RNH1: variants seen among roughly 807,000 people sequenced by gnomAD.
The protein encoded by RNH1 is ribonuclease inhibitor.
A neutral mutation model predicts 46.1 loss-of-function variants in RNH1; 38 were observed. The ratio of observed to expected loss-of-function variants is 0.82; its 90% CI spans 0.64 to 1.08. The LOEUF is 1.08. Among genes scored for constraint, RNH1 ranks in the 50% least tolerant of loss-of-function variants. RNH1 has a pLI of 0.00. For synonymous variants in RNH1, 319 were observed against 279.1 expected (o/e 1.14, Z -1.43); for missense variants, 577 against 590.7 (o/e 0.98, Z 0.24).
In RNH1 at chr11:494,541, A is replaced by T. The variant is rs1198104886; in HGVS notation, c.*150T>A. ...GCCAAGAAAGTGCTTTAATGATTAT[A>T]AAGTGTCCAAAATATACTGGCAGAA... On this transcript the variant is annotated 3_prime_UTR_variant, in exon 11 of 11. Transcript: ENST00000354420. 4.1e-6 allele frequency: 3 copies of T among 730,316 alleles called. No homozygotes were observed. Among genetic ancestry groups the T allele is most frequent in the Non-Finnish European group, 7.1e-6 (3 of 425,176 alleles). 45.2% of individuals were successfully genotyped at this position (730,316 alleles called of 1,614,324 possible). A position where few individuals can be genotyped will look rare whatever the true frequency, so the allele number is the denominator to read the frequency against.
In RNH1 at chr11:501,924, A is replaced by G; in HGVS notation, c.101+138T>C. The G allele has an allele frequency of 1.6e-6, 1 of 623,044 alleles. No homozygotes were observed. Among genetic ancestry groups the G allele is most frequent in the Non-Finnish European group, 2.9e-6 (1 of 347,078 alleles). The allele number at this position is 623,044 out of a possible 1,614,324, so 38.6% of individuals were successfully genotyped here. The stretch of plus-strand genomic sequence containing the variant: ...AAAAGAAACACAAGAATCACATCTC[A>G]TGCACGTGGTAGCTGCACAGAATTC... On this transcript the variant is annotated intron_variant, in intron 3 of 10. Coordinates refer to ENST00000354420, the MANE Select transcript of RNH1 (RefSeq NM_203387.3). This position sits in a 1 kb window ranked among gnomAD's most constrained non-coding sequence, Gnocchi z 4.1.
rs950833429 is a variant in RNH1 at position 498,558 on chromosome 11, G to A, written c.855C>T (p.Ser285=). 10 of 1,613,000 alleles carry A rather than the reference G, an allele frequency of 6.2e-6. No individual in the cohort carries two copies. Among genetic ancestry groups the A allele is most frequent in the Non-Finnish European group, 8.5e-6 (10 of 1,180,038 alleles). ...DLCRVLRAKE[S]LKELSLAGNE... ...TGCCGGCCAGGCTGAGCTCCTTCAG[G>A]CTCTCCTTGGCCCTGAGGACACGGC... The change falls in exon 8 of 11, where the codon AGC becomes AGT. Residue 285 remains serine (S), a synonymous_variant. Coordinates refer to ENST00000354420, the MANE Select transcript of RNH1 (RefSeq NM_203387.3).
At chr11:500,767 C>T (rs1315776768) in intron 3 of RNH1, 113 bp from the exon 4 acceptor site, 3 of 1,061,058 alleles carry the variant, frequency 2.8e-6, no homozygotes, top group Non-Finnish European at 4.2e-6. Context: ...GACAGCAAGG[C>T]AAGTCACACA....
In RNH1 at chr11:494,732, C is replaced by T; in HGVS notation, c.1345G>A (p.Ala449Thr). The change falls in exon 11 of 11, where the codon GCC becomes ACC. Residue 449 changes from alanine to threonine, a missense_variant. By Grantham distance (58) the Ala-to-Thr change is moderately conservative. Transcript: ENST00000354420. ...AGGGATGGCTTGTCCTTCTCCAGGG[C>T]CTGCAGCCGGTCCTCCATCTCCTCA... ...WSEEMEDRLQ[A>T]LEKDKPSLRV... is the part of the protein sequence containing the mutation. The T allele has an allele frequency of 6.2e-6, 10 of 1,613,990 alleles. No individual in the cohort carries two copies. The highest frequency in any genetic ancestry group is 8.5e-6 in the Non-Finnish European group (10 of 1,180,002).
intron 1 of RNH1, chr11:505,748 C>CG (rs1850211168): frequency 6.6e-6 from 1 of 152,114 alleles, no homozygotes; most frequent in Admixed American, 6.6e-5. Flanking sequence ...TTTGTAGAGA[C>CG]GGGGGTCTCA....
chr11:500,096 G>A (rs35800583), intron 4 of RNH1, 97 bp from the exon 5 acceptor site: 84,208 of 1,364,146 alleles, frequency 0.062, 3,219 homozygotes, highest in Admixed American at 0.16. Context: ...CTCTTCAGGC[G>A]GCAGGTCTAT....
At chr11:498,977 A>T in intron 6 of RNH1, 38 bp downstream of exon 6, 1 of 1,597,782 alleles carries the variant, frequency 6.3e-7, no homozygotes, top group South Asian at 1.1e-5. Context: ...GACCCCCCCT[A>T]GCCCACACCC....
At chr11:500,367 G>A in intron 4 of RNH1, 117 bp downstream of exon 4, 1 of 1,209,820 alleles carries the variant, frequency 8.3e-7, no homozygotes, top group Non-Finnish European at 1.1e-6. Context: ...GGAAATGTCT[G>A]CTGCCACTGC....
chr11:498,234 A>G, intron 8 of RNH1, 93 bp from the exon 9 acceptor site: 1 of 1,416,840 alleles, frequency 7.1e-7, no homozygotes, highest in Non-Finnish European at 9.5e-7. Context: ...CGTGGACCTG[A>G]GCAAAAACAT....
In RNH1 at chr11:499,856, T is replaced by C. The variant is rs751391760; in HGVS notation, c.416A>G (p.Asp139Gly). Reference sequence around the variant, plus strand: ...CAGCTTTTCCAGGCGGCACTGGGGGTCCAGGAGTCCTTCGCAGAGCAGCTG... The same window carrying C: ...CAGCTTTTCCAGGCGGCACTGGGGGCCCAGGAGTCCTTCGCAGAGCAGCTG... ...GLQLLCEGLLDPQCRLEKLQL... is the reference protein window; with the variant it reads ...GLQLLCEGLLGPQCRLEKLQL... Residue 139 changes from aspartate to glycine, a missense_variant, in exon 5 of 11, where the codon GAC becomes GGC. Asp to Gly is a moderately conservative substitution (Grantham distance 94). Coordinates refer to ENST00000354420, the MANE Select transcript of RNH1 (RefSeq NM_203387.3). 2.4e-5 allele frequency: 38 copies of C among 1,611,102 alleles called. No individual in the cohort carries two copies. The highest frequency in any genetic ancestry group is 5.0e-5 in the Admixed American group (3 of 59,826).
Position 500,540 on chromosome 11 carries a change from G to A in RNH1, c.216C>T (p.Gly72=), listed in dbSNP as rs199692442. The change falls in exon 4 of 11, where the codon GGC becomes GGT. Residue 72 remains glycine (G), a synonymous_variant. Coordinates refer to ENST00000354420, the MANE Select transcript of RNH1 (RefSeq NM_203387.3). ...NLRSNELGDV[G]VHCVLQGLQT... ...GCAGGCCCTGGAGCACGCAATGCAC[G>A]CCGACATCGCCCAGCTCGTTGCTGC... 9.8e-4 allele frequency: 1,585 copies of A among 1,610,706 alleles called. 41 individuals are homozygous for A. In the South Asian group the frequency reaches 0.017, roughly 17 times the overall value.
intron 4 of RNH1, chr11:500,219 T>TG (rs1849618201): frequency 6.1e-6 from 4 of 655,918 alleles, no homozygotes; most frequent in Non-Finnish European, 7.7e-6. Flanking sequence ...CACCTTTCAG[T>TG]GGGGGTCTGT....
At position 498,279 on chromosome 11, in the gene RNH1, G is replaced by A. The variant is rs1849361360; in HGVS notation, c.957-138C>T. On this transcript the variant is annotated intron_variant, in intron 8 of 10. Transcript: ENST00000354420. ...TCCCAGCAAGTGGGCACCTACACCT[G>A]GTCCTTGGCCCCAAGCACTGTTCCC... is the stretch of plus-strand genomic sequence containing the variant. The A allele has an allele frequency of 5.6e-6, 7 of 1,241,612 alleles. No homozygotes were observed. In the Admixed American group the frequency reaches 1.5e-4, roughly 26 times the overall value. 76.9% of individuals were successfully genotyped at this position (1,241,612 alleles called of 1,614,324 possible).
intron 9 of RNH1, among the ~76,000 whole-genome samples, chr11:495,924 A>G (rs1049742532): frequency 3.3e-5 from 5 of 152,198 alleles, no homozygotes; most frequent in Non-Finnish European, 5.9e-5. Context: ...ACAGCAAACA[A>G]AAGACAAAAC....
intron 2 of RNH1, chr11:504,316 T>G (rs1056269860): frequency 6.6e-6 from 1 of 151,572 alleles, no homozygotes; most frequent in Non-Finnish European, 1.5e-5. Context: ...CTGCTAGTTC[T>G]GGACACCCTG....
At position 501,209 on chromosome 11, in the gene RNH1, AGACGGC is replaced by A. The variant is rs1849723288; in HGVS notation, c.102-561_102-556del. 4.7e-6 allele frequency: 1 copy of A among 214,378 alleles called. No homozygotes were observed. Among genetic ancestry groups the A allele is most frequent in the Non-Finnish European group, 9.6e-6 (1 of 104,544 alleles). 13.3% of individuals were successfully genotyped at this position (214,378 alleles called of 1,614,324 possible). On this transcript the variant is annotated intron_variant, in intron 3 of 10. Transcript: ENST00000354420. The surrounding 1 kb of genome is among the most constrained non-coding windows in gnomAD (Gnocchi z 4.1). ...GTGGCGTCACAGTGGAGAGGGTGGC[AGACGGC>A]GCCTGTGACAGGACGCTCCTGGCAG...
intron 2 of RNH1, chr11:503,449 C>T (rs995302087): frequency 4.6e-5 from 7 of 152,378 alleles, no homozygotes; most frequent in African/African-American, 1.7e-4. Context: ...GGGCTCGGGT[C>T]CACACGCCTG....
rs1386945388 is a variant in RNH1, at chr11:507,109, T to C, written c.-261+4A>G. 6.6e-6 allele frequency: 1 copy of C among 152,290 alleles called. No homozygotes were observed. Among genetic ancestry groups the C allele is most frequent in the Non-Finnish European group, 1.5e-5 (1 of 68,112 alleles). The allele number at this position is 152,290 out of a possible 1,614,324, so 9.4% of individuals were successfully genotyped here. On this transcript the variant is annotated splice_donor_region_variant and intron_variant, in intron 1 of 10. Transcript: ENST00000354420. ...GACGCTGACGCACCGCTGGAGCTACTGACCTCGGGACGACTGGCGGACGGT... is the reference window on the plus strand; with the variant it reads ...GACGCTGACGCACCGCTGGAGCTACCGACCTCGGGACGACTGGCGGACGGT...
In RNH1 at chr11:498,473, G is replaced by T. The variant is rs1849376775; in HGVS notation, c.940C>A (p.Gln314Lys). 2 of 1,612,972 alleles carry T rather than the reference G, an allele frequency of 1.2e-6. No individual in the cohort carries two copies. Among genetic ancestry groups the T allele is most frequent in the Non-Finnish European group, 1.7e-6 (2 of 1,180,000 alleles). Residue 314 changes from glutamine (Q) to lysine (K), a missense_variant, in exon 8 of 11, where the codon CAG (glutamine) becomes AAG (lysine). Gln to Lys is a moderately conservative substitution (Grantham distance 53). Coordinates refer to ENST00000354420, the MANE Select transcript of RNH1 (RefSeq NM_203387.3). ...LCETLLEPGC[Q>K]LESLWVKSCS... is the part of the protein sequence containing the mutation. ...CACACTCACCACAGCGACTCCAGCT[G>T]GCAGCCAGGTTCCAGCAGGGTCTCA...
Sources: allele counts gnomAD v4.1 joint callset (sites outside exome capture counted in the v4.1 genomes callset), GRCh38; gene constraint gnomAD v4.1.1; non-coding constraint Gnocchi (gnomAD v3.1); transcripts MANE v1.5; gene names NCBI Gene and HGNC (gene_info 2026-07-23, HGNC 2026-07-21).